The following TMEM64 variants were observed in gnomAD, a reference collection of about 807,000 sequenced individuals.
TMEM64 encodes transmembrane protein 64.
In TMEM64, 19 loss-of-function variants were observed where a neutral mutation model predicts 24.5. The observed-to-expected ratio is 0.78, with a 90% CI of 0.54 to 1.14. The LOEUF (loss-of-function observed/expected upper bound fraction) is 1.14, where lower values mean the gene tolerates loss of function less well. TMEM64 is among the 50% of genes most tolerant of loss of function. The probability of loss-of-function intolerance (pLI) is 0.00; values close to 1 mark genes in which losing one functional copy is unlikely to be tolerated. For synonymous variants in TMEM64, 262 were observed against 224.7 expected, an observed-to-expected ratio of 1.17 and a Z score of -1.49; for missense variants, 487 against 493.0, an observed-to-expected ratio of 0.99 and a Z score of 0.12.
At chr8:90,630,003 C>T (rs1039759174) in intron 2 of TMEM64, among the ~76,000 whole-genome samples, 13 of 152,166 alleles carry the variant, frequency 8.5e-5, no homozygotes, top group East Asian at 3.9e-4. Context: ...ATTTGTAATA[C>T]GGTACCATAT....
At chr8:90,639,942 T>C (rs1484889254) in intron 1 of TMEM64, among the ~76,000 whole-genome samples, 2 of 152,184 alleles carry the variant, frequency 1.3e-5, no homozygotes, top group Admixed American at 6.5e-5. Flanking sequence ...GCTAGAGATA[T>C]AGATTAGTGA....
rs1354351842 is a variant in TMEM64 at position 90,637,134 on chromosome 8, G to GA, written c.796-5428dup. ...CATCTGGGAGGGAAAAAAATGAGAG[G>GA]AAAAAAAACTAATTCTGAAGAGCAA... On this transcript the variant is annotated intron_variant, in intron 1 of 2. Coordinates refer to ENST00000458549, the MANE Select transcript of TMEM64 (RefSeq NM_001008495.4). 2.0e-5 allele frequency among the ~76,000 whole-genome samples: 3 copies of GA among 151,848 alleles called. No individual in the cohort carries two copies. The East Asian group carries it at 5.8e-4, about 29-fold the overall frequency.
rs533119111 is a variant in TMEM64 at position 90,639,100 on chromosome 8, C to A, written c.795+6011G>T. ...CAACCCTGAGAGTACTGAAAAAAGT[C>A]TTGCTACTGGAGGAAAAAAAAAAAA... is the stretch of plus-strand genomic sequence containing the variant. On this transcript the variant is annotated intron_variant, in intron 1 of 2. Coordinates refer to ENST00000458549, the MANE Select transcript of TMEM64 (RefSeq NM_001008495.4). 2.0e-5 allele frequency among the ~76,000 whole-genome samples: 3 copies of A among 150,096 alleles called. No individual in the cohort carries two copies. In the South Asian group the frequency reaches 6.3e-4, roughly 32 times the overall value.
chr8:90,644,925 G>C (rs78040570), intron 1 of TMEM64, among the ~76,000 whole-genome samples, 186 bp downstream of exon 1: 1 of 152,194 alleles, frequency 6.6e-6, no homozygotes, highest in Non-Finnish European at 1.5e-5. Context: ...CTCTTTCGAG[G>C]CTCCGCGTTA....
chr8:90,626,530 C>G (rs1809362134), intron 2 of TMEM64, among the ~76,000 whole-genome samples: 1 of 151,754 alleles, frequency 6.6e-6, no homozygotes, highest in Non-Finnish European at 1.5e-5. Context: ...GGTTTCTAGT[C>G]TTAGCTTAGC....
chr8:90,642,432 A>G (rs1169433214), intron 1 of TMEM64, among the ~76,000 whole-genome samples: 1 of 152,056 alleles, frequency 6.6e-6, no homozygotes, highest in Non-Finnish European at 1.5e-5. Flanking sequence ...TTTAAAAAAA[A>G]AAGGATGATT....
At chr8:90,629,792 T>C (rs1386903858) in intron 2 of TMEM64, among the ~76,000 whole-genome samples, 5 of 152,094 alleles carry the variant, frequency 3.3e-5, no homozygotes, top group African/African-American at 1.2e-4. Context: ...TCAAAAATAT[T>C]ACAAAATTTT....
rs949362070 is a variant in TMEM64, at chr8:90,623,540, T to C, written c.*2131A>G. ...TATTTTAGAAACAGTCAATCCATAC[T>C]ATTTTAAGAAAAAAATGGATGATTT... On this transcript the variant is annotated 3_prime_UTR_variant, in exon 3 of 3. Coordinates refer to ENST00000458549, the MANE Select transcript of TMEM64 (RefSeq NM_001008495.4). 3.3e-5 allele frequency: 5 copies of C among 152,506 alleles called. No individual in the cohort carries two copies. The highest frequency in any genetic ancestry group is 1.2e-4 in the African/African-American group (5 of 41,430). 9.4% of individuals were successfully genotyped at this position (152,506 alleles called of 1,614,324 possible). A position where few individuals can be genotyped will look rare whatever the true frequency, so the allele number is the denominator to read the frequency against.
In TMEM64 at chr8:90,645,243, C is replaced by G; in HGVS notation, c.663G>C (p.Val221=). 2 of 1,613,718 alleles carry G rather than the reference C, an allele frequency of 1.2e-6. No homozygotes were observed. The highest frequency in any genetic ancestry group is 1.7e-6 in the Non-Finnish European group (2 of 1,179,768). ...TCTCGCTGCTCTGGATCCTGGCGGC[C>G]ACCCAGGCGGTGAGGAGCCGCTTGC... ...VVCKRLLTAW[V]AARIQSSEKL... Residue 221 remains valine, a synonymous_variant, in exon 1 of 3, where the codon GTG becomes GTC. Transcript: ENST00000458549. The surrounding 1 kb of genome is among the most constrained non-coding windows in gnomAD (Gnocchi z 4.2).
chr8:90,642,798 T>C (rs1389193228), intron 1 of TMEM64, among the ~76,000 whole-genome samples: 1 of 152,206 alleles, frequency 6.6e-6, no homozygotes, highest in Non-Finnish European at 1.5e-5. Context: ...TATCAGCTGA[T>C]CCTGGGTTCA....
rs1278903325 is a variant in TMEM64, at chr8:90,645,997, A to G, written c.-92T>C. ...CTTCATGGCGCCCGGTTCGCCCGGC[A>G]TCGACTCCCTGCGTCCGCTCAGAGG... On this transcript the variant is annotated 5_prime_UTR_variant, in exon 1 of 3. The change abolishes an upstream ATG in the 5' untranslated region. Coordinates refer to ENST00000458549, the MANE Select transcript of TMEM64 (RefSeq NM_001008495.4). The surrounding 1 kb of genome is among the most constrained non-coding windows in gnomAD (Gnocchi z 4.2). 8 of 633,524 alleles carry G rather than the reference A, an allele frequency of 1.3e-5. No individual in the cohort carries two copies. Among genetic ancestry groups the G allele is most frequent in the African/African-American group, 2.0e-5 (1 of 50,410 alleles). The allele number at this position is 633,524 out of a possible 1,614,324, so 39.2% of individuals were successfully genotyped here. A position where few individuals can be genotyped will look rare whatever the true frequency, so the allele number is the denominator to read the frequency against.
chr8:90,625,744 G>T lies in TMEM64; in HGVS notation c.1070C>A (p.Pro357Gln), dbSNP rs1232328488. 6.2e-7 allele frequency: 1 copy of T among 1,613,916 alleles called. No homozygotes were observed. The highest frequency in any genetic ancestry group is 1.3e-5 in the African/African-American group (1 of 75,022). The change falls in exon 3 of 3, where the codon CCA (proline) becomes CAA (glutamine). Residue 357 changes from proline to glutamine, a missense_variant. By Grantham distance (76) the Pro-to-Gln change is moderately conservative (BLOSUM62 -1). Coordinates refer to ENST00000458549, the MANE Select transcript of TMEM64 (RefSeq NM_001008495.4). Reference sequence around the variant, plus strand: ...GTAGAATGAAGAGCCACTGGTATTTGGTTGATTGCCTTTAACCAGAGAAGA... The same window carrying T: ...GTAGAATGAAGAGCCACTGGTATTTTGTTGATTGCCTTTAACCAGAGAAGA... ...LKSSLVKGNQ[P>Q]NTSGSSFYNK...
chr8:90,623,748 G>A lies in TMEM64; in HGVS notation c.*1923C>T, dbSNP rs1015802612. On this transcript the variant is annotated 3_prime_UTR_variant, in exon 3 of 3. Transcript: ENST00000458549. ...AGTAAATAAATGTACTTCAAAATACGTGAAGTGTAAAACAAGTATGAAAAC... is the reference window on the plus strand; with the variant it reads ...AGTAAATAAATGTACTTCAAAATACATGAAGTGTAAAACAAGTATGAAAAC... 7.2e-5 allele frequency: 11 copies of A among 152,304 alleles called. No individual in the cohort carries two copies. Among genetic ancestry groups the A allele is most frequent in the African/African-American group, 2.4e-4 (10 of 41,388 alleles). 9.4% of individuals were successfully genotyped at this position (152,304 alleles called of 1,614,324 possible).
Position 90,624,819 on chromosome 8 carries a change from A to T in TMEM64, c.*852T>A, listed in dbSNP as rs1259210654. 6.6e-6 allele frequency: 1 copy of T among 152,596 alleles called. No homozygotes were observed. The highest frequency in any genetic ancestry group is 1.9e-4 in the East Asian group (1 of 5,206). The allele number at this position is 152,596 out of a possible 1,614,324, so 9.5% of individuals were successfully genotyped here. A position where few individuals can be genotyped will look rare whatever the true frequency, so the allele number is the denominator to read the frequency against. ...ACCATTTTAAAGGAATAACATCTTT[A>T]TTTAAAAGCCTAATTATTAATATAA... On this transcript the variant is annotated 3_prime_UTR_variant, in exon 3 of 3. Coordinates refer to ENST00000458549, the MANE Select transcript of TMEM64 (RefSeq NM_001008495.4).
Position 90,645,022 on chromosome 8 carries a change from A to AT in TMEM64, c.795+88dup. 7.3e-7 allele frequency: 1 copy of AT among 1,369,200 alleles called. No individual in the cohort carries two copies. The highest frequency in any genetic ancestry group is 1.0e-6 in the Non-Finnish European group (1 of 997,216). The allele number at this position is 1,369,200 out of a possible 1,614,324, so 84.8% of individuals were successfully genotyped here. A position where few individuals can be genotyped will look rare whatever the true frequency, so the allele number is the denominator to read the frequency against. ...CCGTCAATGTCACTTCTCTGCTGGT[A>AT]TTTATCTGATAGAGCGCCCTCCTAG... On this transcript the variant is annotated intron_variant, in intron 1 of 2. Transcript: ENST00000458549. The surrounding 1 kb of genome is among the most constrained non-coding windows in gnomAD (Gnocchi z 4.2).
At chr8:90,637,115 G>GGAGGGAAAAAAATGA (rs1809533531) in intron 1 of TMEM64, among the ~76,000 whole-genome samples, 1 of 152,004 alleles carries the variant, frequency 6.6e-6, no homozygotes, top group Non-Finnish European at 1.5e-5. Context: ...ACTCCATCTG[G>GGAGGGAAAAAAATGA]GAGGGAAAAA....
chr8:90,629,040 C>T (rs1226285617), intron 2 of TMEM64, among the ~76,000 whole-genome samples: 1 of 152,084 alleles, frequency 6.6e-6, no homozygotes, highest in African/African-American at 2.4e-5. Context: ...TGGCTCGTTT[C>T]TAGAAAATAA....
In TMEM64 at chr8:90,629,903, G is replaced by A. The variant is rs191583759; in HGVS notation, c.951+1649C>T. 4.2e-3 allele frequency among the ~76,000 whole-genome samples: 639 copies of A among 152,066 alleles called. 6 individuals are homozygous for A. The highest frequency in any genetic ancestry group is 3.9e-3 in the Non-Finnish European group (264 of 67,956). ...TGTACTAAACTTGTACCTCATAAGC[G>A]CAAAGAAAATTAACTCTGGCTTTAT... On this transcript the variant is annotated intron_variant, in intron 2 of 2. Transcript: ENST00000458549.
chr8:90,645,367 A>G lies in TMEM64; in HGVS notation c.539T>C (p.Val180Ala). 6.4e-7 allele frequency: 1 copy of G among 1,552,446 alleles called. No individual in the cohort carries two copies. Among genetic ancestry groups the G allele is most frequent in the Non-Finnish European group, 8.7e-7 (1 of 1,147,374 alleles). ...VSFPCGWGYI[V>A]LNVAAGYLYG... Reference sequence around the variant, plus strand: ...CAGGTAGCCAGCGGCCACGTTGAGCACGATGTAGCCCCAGCCGCAGGGGAA... The same window carrying G: ...CAGGTAGCCAGCGGCCACGTTGAGCGCGATGTAGCCCCAGCCGCAGGGGAA... Residue 180 changes from valine (V) to alanine (A), a missense_variant, in exon 1 of 3, where the codon GTG becomes GCG. Physicochemically the swap from Val to Ala is moderately conservative, Grantham distance 64. This residue lies in a region of TMEM64 where 419 missense variants were observed against 407.5 expected (regional missense o/e 1.03). Transcript: ENST00000458549. The surrounding 1 kb of genome is among the most constrained non-coding windows in gnomAD (Gnocchi z 4.2).
Sources: gnomAD v4.1 joint callset for allele counts (sites outside exome capture counted in the v4.1 genomes callset) on GRCh38, gnomAD v4.1.1 for gene constraint, gnomAD v4.1.1 regional missense constraint, Gnocchi (gnomAD v3.1) non-coding constraint, MANE v1.5 for transcripts, NCBI Gene and HGNC (gene_info 2026-07-23, HGNC 2026-07-21) for gene names.